The following FZD6 variants were observed in gnomAD, a reference collection of about 807,000 sequenced individuals.
FZD6 encodes the protein frizzled class receptor 6.
In FZD6, 49 loss-of-function variants were observed where a neutral mutation model predicts 61.4. That is an observed-to-expected ratio of 0.80 (90% CI 0.63 to 1.01). The LOEUF is 1.01. Among genes scored for constraint, FZD6 ranks in the 50% least tolerant of loss-of-function variants. The pLI is 0.00. For missense variants in FZD6, 724 were observed against 848.2 expected, an observed-to-expected ratio of 0.85 and a Z score of 1.82; for synonymous variants, 265 against 292.2, an observed-to-expected ratio of 0.91 and a Z score of 0.95.
intron 3 of FZD6, among the ~76,000 whole-genome samples, chr8:103,320,528 C>G (rs753769756): frequency 6.6e-6 from 1 of 150,680 alleles, no homozygotes; most frequent in Non-Finnish European, 1.5e-5. Context: ...AGATGGGGAG[C>G]GAAATGAAGA....
At chr8:103,307,316 G>C (rs942047845) in intron 2 of FZD6, among the ~76,000 whole-genome samples, 1 of 152,170 alleles carries the variant, frequency 6.6e-6, no homozygotes, top group Non-Finnish European at 1.5e-5. Context: ...TATAGCATCA[G>C]GAGCTAGCTG....
In FZD6 at chr8:103,325,027, G is replaced by A; in HGVS notation, c.921G>A (p.Trp307Ter). Residue 307 changes from tryptophan (W) to a stop codon, truncating the protein, a stop_gained, in exon 4 of 7, where the codon TGG (tryptophan) becomes TGA (stop). Transcript: ENST00000358755. LOFTEE classifies it high-confidence loss of function. ...GGTGGGTGATTCTTACCATTACTTG[G>A]TTCTTAGCTGCAGGAAGAAAATGGA... ...TVWWVILTIT[W>*]FLAAGRKWSC... 1 of 1,614,112 alleles carries A rather than the reference G, an allele frequency of 6.2e-7. No individual in the cohort carries two copies.
intron 3 of FZD6, among the ~76,000 whole-genome samples, chr8:103,320,086 A>G (rs1563690579): frequency 9.2e-6 from 1 of 108,746 alleles, no homozygotes; most frequent in Non-Finnish European, 1.8e-5. Flanking sequence ...GTAGGAAAGG[A>G]TAGGATGGCT....
At chr8:103,318,123 T>C (rs140719268) in intron 2 of FZD6, among the ~76,000 whole-genome samples, 1 of 151,702 alleles carries the variant, frequency 6.6e-6, no homozygotes, top group East Asian at 1.9e-4. Flanking sequence ...AGAGAAGAGG[T>C]CTTGGGGACT....
Position 103,332,058 on chromosome 8 carries a change from AG to A in FZD6, c.*550del, listed in dbSNP as rs1815153696. Reference sequence around the variant, plus strand: ...TAGTCTTCTTTTATACTGTAAAAAAAGATATACCAAAAAGTCTTATAATAGG... The same window carrying A: ...TAGTCTTCTTTTATACTGTAAAAAAAATATACCAAAAAGTCTTATAATAGG... On this transcript the variant is annotated 3_prime_UTR_variant, in exon 7 of 7. Transcript: ENST00000358755. 6.5e-6 allele frequency: 1 copy of A among 152,782 alleles called. No individual in the cohort carries two copies. The highest frequency in any genetic ancestry group is 6.5e-5 in the Admixed American group (1 of 15,364). 9.5% of individuals were successfully genotyped at this position (152,782 alleles called of 1,614,324 possible).
chr8:103,320,140 A>T (rs1189468917), intron 3 of FZD6, among the ~76,000 whole-genome samples: 2 of 152,136 alleles, frequency 1.3e-5, no homozygotes, highest in African/African-American at 2.4e-5. Context: ...TTGTTGCAAT[A>T]ATTTCTTTCT....
intron 4 of FZD6, among the ~76,000 whole-genome samples, chr8:103,327,322 C>T (rs1245840526): frequency 6.6e-6 from 1 of 152,182 alleles, no homozygotes; most frequent in Non-Finnish European, 1.5e-5. Context: ...TGGCCGGGTG[C>T]GGTGGCTTAC....
chr8:103,298,909 C>T lies in FZD6; in HGVS notation c.-239C>T. On this transcript the variant is annotated 5_prime_UTR_variant, in exon 1 of 7. Transcript: ENST00000358755. ...CTCGAGGCAGCTCCAGTCCCGGACGCAACCCCGGAGCCGTCTCAGGTCCCT... is the reference window on the plus strand; with the variant it reads ...CTCGAGGCAGCTCCAGTCCCGGACGTAACCCCGGAGCCGTCTCAGGTCCCT... 1 of 153,720 alleles carries T rather than the reference C, an allele frequency of 6.5e-6. No individual in the cohort carries two copies. Among genetic ancestry groups the T allele is most frequent in the Non-Finnish European group, 1.5e-5 (1 of 68,702 alleles). 9.5% of individuals were successfully genotyped at this position (153,720 alleles called of 1,614,324 possible). A position where few individuals can be genotyped will look rare whatever the true frequency, so the allele number is the denominator to read the frequency against.
At chr8:103,323,963 T>C (rs1182102210) in intron 3 of FZD6, among the ~76,000 whole-genome samples, 1 of 152,214 alleles carries the variant, frequency 6.6e-6, no homozygotes. Flanking sequence ...AACTCTATCC[T>C]GTCAATCCAG....
Position 103,317,365 on chromosome 8 carries a change from G to T in FZD6, c.178-1225G>T, listed in dbSNP as rs148173654. Among the ~76,000 whole-genome samples the T allele has an allele frequency of 4.8e-4, 73 of 152,328 alleles. 1 individual carries two copies. In the Middle Eastern group the frequency reaches 0.02, roughly 43 times the overall value. Reference sequence around the variant, plus strand: ...AGACTTTGGAATTTATTTTACTGGAGTCTTTGAACAAGGATAAACTTACGT... The same window carrying T: ...AGACTTTGGAATTTATTTTACTGGATTCTTTGAACAAGGATAAACTTACGT... On this transcript the variant is annotated intron_variant, in intron 2 of 6. Coordinates refer to ENST00000358755, the MANE Select transcript of FZD6 (RefSeq NM_003506.4).
chr8:103,330,184 C>A, intron 6 of FZD6, 119 bp downstream of exon 6: 1 of 937,832 alleles, frequency 1.1e-6, no homozygotes, highest in Non-Finnish European at 1.7e-6. Flanking sequence ...ACTCTTACCC[C>A]AAGGAAGTTT....
intron 5 of FZD6, among the ~76,000 whole-genome samples, chr8:103,329,064 T>G (rs1815048055): frequency 8.7e-6 from 1 of 115,004 alleles, no homozygotes; most frequent in Non-Finnish European, 1.9e-5. Context: ...TACTATAGCT[T>G]TTTAAAAATT....
chr8:103,309,530 C>T (rs1429882412), intron 2 of FZD6, among the ~76,000 whole-genome samples: 1 of 152,178 alleles, frequency 6.6e-6, no homozygotes, highest in South Asian at 2.1e-4. Flanking sequence ...TCCCCTTGAT[C>T]TGCAGTATTG....
In FZD6 at chr8:103,329,292, C is replaced by T. The variant is rs567447150; in HGVS notation, c.1542-363C>T. Among the ~76,000 whole-genome samples the T allele has an allele frequency of 5.9e-5, 9 of 151,390 alleles. No individual in the cohort carries two copies. In the South Asian group the frequency reaches 1.9e-3, roughly 31 times the overall value. ...AAATGAAGACCGTTAATTATATTCTCTATCCTTTTCTTCTGGTTTACTTTT... is the reference window on the plus strand; with the variant it reads ...AAATGAAGACCGTTAATTATATTCTTTATCCTTTTCTTCTGGTTTACTTTT... On this transcript the variant is annotated intron_variant, in intron 5 of 6. Coordinates refer to ENST00000358755, the MANE Select transcript of FZD6 (RefSeq NM_003506.4).
chr8:103,316,707 T>C (rs1207150945), intron 2 of FZD6, among the ~76,000 whole-genome samples: 1 of 152,218 alleles, frequency 6.6e-6, no homozygotes, highest in African/African-American at 2.4e-5. Flanking sequence ...GCTTCTGATA[T>C]TGTCAAATAT....
intron 2 of FZD6, among the ~76,000 whole-genome samples, chr8:103,316,188 A>G (rs920684739): frequency 1.3e-5 from 2 of 152,212 alleles, no homozygotes; most frequent in African/African-American, 2.4e-5. Flanking sequence ...CAATTAACAC[A>G]GTAGTTGTAT....
chr8:103,328,221 A>G (rs1269354189), intron 4 of FZD6, 47 bp from the exon 5 acceptor site: 1 of 1,440,582 alleles, frequency 6.9e-7, no homozygotes, highest in African/African-American at 1.4e-5. Flanking sequence ...ACTTCTTTCC[A>G]CTTTAAGTGC....
At chr8:103,303,195 C>T (rs1181307817) in intron 2 of FZD6, among the ~76,000 whole-genome samples, 3 of 152,168 alleles carry the variant, frequency 2.0e-5, no homozygotes, top group South Asian at 2.1e-4. Flanking sequence ...TACCTTCCCA[C>T]ATTGCACACT....
chr8:103,329,862 A>G lies in FZD6; in HGVS notation c.1749A>G (p.Gln583=). ...TTACTAGCCATGATTACCTAGGACA[A>G]GAAACTTTGACAGAAATCCAAACCT... ...VAITSHDYLG[Q]ETLTEIQTSP... The change falls in exon 6 of 7, where the codon CAA becomes CAG. Residue 583 remains glutamine, a synonymous_variant. Transcript: ENST00000358755. 6.2e-7 allele frequency: 1 copy of G among 1,614,156 alleles called. No homozygotes were observed. The highest frequency in any genetic ancestry group is 8.5e-7 in the Non-Finnish European group (1 of 1,179,996).
Sources: gnomAD v4.1 joint callset for allele counts (sites outside exome capture counted in the v4.1 genomes callset) on GRCh38, gnomAD v4.1.1 for gene constraint, MANE v1.5 for transcripts, NCBI Gene and HGNC (gene_info 2026-07-23, HGNC 2026-07-21) for gene names.